The following TBCK variants were observed in gnomAD, a reference collection of about 807,000 sequenced individuals.
TBCK encodes TBC1 domain containing kinase.
A neutral mutation model predicts 113.4 loss-of-function variants in TBCK; 99 were observed. That is an observed-to-expected ratio of 0.87 (90% CI 0.74 to 1.03). The LOEUF is 1.03. Among genes scored for constraint, TBCK ranks in the 50% least tolerant of loss-of-function variants. The pLI, the probability that TBCK is intolerant of heterozygous loss-of-function variation, is 0.00. For synonymous variants in TBCK, 369 were observed against 370.8 expected (o/e 1.00, Z 0.05); for missense variants, 1,045 against 1,061.3 (o/e 0.98, Z 0.21).
chr4:106,215,807 C>T (rs1472073005), intron 19 of TBCK, among the ~76,000 whole-genome samples: 11 of 151,080 alleles, frequency 7.3e-5, no homozygotes, highest in African/African-American at 1.7e-4. Context: ...GACAGATCAA[C>T]GAGACAGAAA....
chr4:106,173,732 T>C (rs985766751), intron 22 of TBCK, among the ~76,000 whole-genome samples: 3 of 152,110 alleles, frequency 2.0e-5, no homozygotes, highest in Admixed American at 2.0e-4. Flanking sequence ...ATGTCACCTC[T>C]CATCTCAAAA....
chr4:106,227,901 GTAACAT>G (rs143826198), intron 19 of TBCK, among the ~76,000 whole-genome samples: 90,189 of 150,932 alleles, frequency 0.6, 27,159 homozygotes, highest in Non-Finnish European at 0.64. Context: ...TACAGTAACA[GTAACAT>G]TAAGAAATAA....
chr4:106,070,860 G>A, intron 25 of TBCK, among the ~76,000 whole-genome samples: 1 of 152,064 alleles, frequency 6.6e-6, no homozygotes, highest in East Asian at 1.9e-4. Flanking sequence ...GTTCTTCCTG[G>A]TTTAGTCTTG....
At chr4:106,141,676 A>G (rs1747157963) in intron 23 of TBCK, among the ~76,000 whole-genome samples, 1 of 141,122 alleles carries the variant, frequency 7.1e-6, no homozygotes, top group South Asian at 2.4e-4. Context: ...TCTAGTAATA[A>G]CCCTGAAAAG....
chr4:106,241,217 AC>A (rs771092487), intron 12 of TBCK, among the ~76,000 whole-genome samples: 1 of 152,056 alleles, frequency 6.6e-6, no homozygotes, highest in East Asian at 1.9e-4. Context: ...TAACTGATAT[AC>A]AGACATTAAA....
intron 20 of TBCK, among the ~76,000 whole-genome samples, chr4:106,197,581 A>T (rs1217286172): frequency 6.6e-6 from 1 of 152,008 alleles, no homozygotes; most frequent in Non-Finnish European, 1.5e-5. Context: ...CACAACTGTT[A>T]TAAACAAGGC....
intron 23 of TBCK, among the ~76,000 whole-genome samples, chr4:106,135,367 T>G (rs974214934): frequency 6.6e-6 from 1 of 152,100 alleles, no homozygotes; most frequent in African/African-American, 2.4e-5. Flanking sequence ...GGTAAAAACC[T>G]GCCAAAGGCA....
At chr4:106,192,109 T>G (rs773924637) in intron 22 of TBCK, among the ~76,000 whole-genome samples, 35 of 152,126 alleles carry the variant, frequency 2.3e-4, no homozygotes, top group Non-Finnish European at 4.1e-4. Flanking sequence ...GACAGAAATA[T>G]GTCAGTCGAC....
intron 25 of TBCK, among the ~76,000 whole-genome samples, chr4:106,073,708 C>T (rs547542706): frequency 6.6e-4 from 100 of 152,344 alleles, no homozygotes; most frequent in Admixed American, 2.6e-3. Flanking sequence ...TCAGCTGTGC[C>T]CTGCCCCAGA....
chr4:106,197,470 A>G (rs1268513857), intron 20 of TBCK, among the ~76,000 whole-genome samples: 1 of 150,036 alleles, frequency 6.7e-6, no homozygotes, highest in African/African-American at 2.4e-5. Context: ...AAATGATCAG[A>G]GTGAAAAAAT....
chr4:106,282,416 A>T (rs921927325), intron 3 of TBCK, among the ~76,000 whole-genome samples: 4 of 150,524 alleles, frequency 2.7e-5, no homozygotes, highest in African/African-American at 9.8e-5. Flanking sequence ...TTCTGCTGTG[A>T]TCTTTATTAT....
chr4:106,188,882 T>C (rs1016775309), intron 22 of TBCK, among the ~76,000 whole-genome samples: 2 of 152,228 alleles, frequency 1.3e-5, no homozygotes, highest in African/African-American at 4.8e-5. Flanking sequence ...TTTCAGAGTC[T>C]TCATCAGTCA....
At chr4:106,095,445 C>A in intron 25 of TBCK, 37 bp downstream of exon 25, 1 of 1,550,980 alleles carries the variant, frequency 6.4e-7, no homozygotes. Flanking sequence ...GTAAATCACT[C>A]ATCATATGTA....
chr4:106,269,639 C>T (rs1763295837), intron 3 of TBCK, among the ~76,000 whole-genome samples: 1 of 152,030 alleles, frequency 6.6e-6, no homozygotes, highest in South Asian at 2.1e-4. Flanking sequence ...AAACTGCTAC[C>T]TAAAGATTGT....
chr4:106,170,374 T>A (rs1186597258), intron 23 of TBCK, among the ~76,000 whole-genome samples: 2 of 152,098 alleles, frequency 1.3e-5, no homozygotes, highest in Admixed American at 1.3e-4. Flanking sequence ...TCTGTATATC[T>A]AGAGGCAGAG....
At chr4:106,213,736 G>C (rs1386827076) in intron 19 of TBCK, 1 of 155,952 alleles carries the variant, frequency 6.4e-6, no homozygotes, top group African/African-American at 2.4e-5. Flanking sequence ...GAGTCTCCCT[G>C]ATTGCTAGCA....
chr4:106,256,330 C>A (rs575679909), intron 5 of TBCK, among the ~76,000 whole-genome samples: 1 of 152,162 alleles, frequency 6.6e-6, no homozygotes, highest in African/African-American at 2.4e-5. Flanking sequence ...AGCGCCTGCC[C>A]GCCAGCACTG....
chr4:106,202,393 T>C (rs1167640745), intron 20 of TBCK, among the ~76,000 whole-genome samples: 2 of 152,014 alleles, frequency 1.3e-5, no homozygotes, highest in African/African-American at 2.4e-5. Context: ...ATCACTATTA[T>C]GCCATCCTTC....
intron 23 of TBCK, among the ~76,000 whole-genome samples, chr4:106,159,406 GT>G: frequency 6.6e-6 from 1 of 151,874 alleles, no homozygotes; most frequent in African/African-American, 2.4e-5. Flanking sequence ...ACAAAACACT[GT>G]TAGAACTAAT....
Sources: gnomAD v4.1 joint callset for allele counts (sites outside exome capture counted in the v4.1 genomes callset) on GRCh38, gnomAD v4.1.1 for gene constraint, MANE v1.5 for transcripts, NCBI Gene and HGNC (gene_info 2026-07-23, HGNC 2026-07-21) for gene names.